The following TGM2 variants were observed in gnomAD, a reference collection of about 807,000 sequenced individuals.
The protein encoded by TGM2 is protein-glutamine gamma-glutamyltransferase 2.
A neutral mutation model predicts 75.6 loss-of-function variants in TGM2; 53 were observed. The ratio of observed to expected loss-of-function variants is 0.70; its 90% confidence interval spans 0.56 to 0.88. TGM2 has a LOEUF of 0.88. Among genes scored for constraint, TGM2 ranks in the 40% least tolerant of loss-of-function variants. TGM2 has a pLI of 0.00. For synonymous variants in TGM2, 374 were observed against 381.1 expected (o/e 0.98, Z 0.22); for missense variants, 842 against 928.5 (o/e 0.91, Z 1.21).
At chr20:38,160,249 A>G (rs565216676) in intron 2 of TGM2, among the ~76,000 whole-genome samples, 2 of 152,252 alleles carry the variant, frequency 1.3e-5, no homozygotes, top group South Asian at 2.1e-4. Flanking sequence ...GCCTTTCCCA[A>G]CCCGAGTCCT....
upstream of TGM2, among the ~76,000 whole-genome samples, chr20:38,167,460 C>T (rs1344656844): frequency 2.0e-5 from 3 of 152,120 alleles, no homozygotes; most frequent in Admixed American, 6.5e-5. Flanking sequence ...CCTCAGCTTC[C>T]CTGAGTAGCT....
In TGM2 at chr20:38,142,259, C is replaced by G. The variant is rs1165911210; in HGVS notation, c.860-60G>C. On this transcript the variant is annotated intron_variant, in intron 6 of 12. Coordinates refer to ENST00000361475, the MANE Select transcript of TGM2 (RefSeq NM_004613.4). Reference sequence around the variant, plus strand: ...TGGAGACATCCGCCCTGCTCTGGGCCTCCACCTGCCCATCTGCATTCCAGG... The same window carrying G: ...TGGAGACATCCGCCCTGCTCTGGGCGTCCACCTGCCCATCTGCATTCCAGG... 3 of 1,605,986 alleles carry G rather than the reference C, an allele frequency of 1.9e-6. No homozygotes were observed. The African/African-American group carries it at 4.0e-5, about 21-fold the overall frequency.
At position 38,139,642 on chromosome 20, in the gene TGM2, C is replaced by A. The variant is rs1229044030; in HGVS notation, c.1112G>T (p.Cys371Phe). 1 of 1,614,050 alleles carries A rather than the reference C, an allele frequency of 6.2e-7. No individual in the cohort carries two copies. Among genetic ancestry groups the A allele is most frequent in the Non-Finnish European group, 8.5e-7 (1 of 1,180,032 alleles). The change falls in exon 9 of 13, where the codon TGT becomes TTT. Residue 371 changes from cysteine (C) to phenylalanine (F), a missense_variant. Transcript: ENST00000361475. ...GATGGCACGAACTGGAACTGGGCCA[C>A]AGCAGTACGTCCCTGGCAGAGGTAG... ...PQEKSEGTYC[C>F]GPVPVRAIKE...
chr20:38,131,185 C>T lies in TGM2; in HGVS notation c.1821G>A (p.Val607=), dbSNP rs756907884. ...CCACAGGGAGCGGGTTCTGCAGGGA[C>T]ACCTCAGCCACCAGCTTGCGTTTCT... ...PKQKRKLVAE[V]SLQNPLPVAL... The change falls in exon 12 of 13, where the codon GTG becomes GTA. Residue 607 remains valine (V), a synonymous_variant. Transcript: ENST00000361475. 6 of 1,613,824 alleles carry T rather than the reference C, an allele frequency of 3.7e-6. No individual in the cohort carries two copies. The highest frequency in any genetic ancestry group is 4.5e-5 in the East Asian group (2 of 44,890).
At chr20:38,147,539 C>G (rs763363469) in intron 5 of TGM2, among the ~76,000 whole-genome samples, 2 of 152,176 alleles carry the variant, frequency 1.3e-5, no homozygotes, top group Non-Finnish European at 2.9e-5. Context: ...CCAACGCTCT[C>G]ACACCTCGGG....
chr20:38,137,906 C>T lies in TGM2; in HGVS notation c.1615+207G>A, dbSNP rs1039535171. The T allele has an allele frequency of 1.6e-5, 19 of 1,214,842 alleles. 1 individual carries two copies. The South Asian group carries it at 1.7e-4, about 11-fold the overall frequency. 75.3% of individuals were successfully genotyped at this position (1,214,842 alleles called of 1,614,324 possible). ...TGCCTCAGTCTACTCATCTGGAAAA[C>T]GGAGCCATGTTAGAATCCACCCCCT... On this transcript the variant is annotated intron_variant, in intron 10 of 12. Coordinates refer to ENST00000361475, the MANE Select transcript of TGM2 (RefSeq NM_004613.4).
chr20:38,157,852 C>T (rs2075206534), intron 2 of TGM2, among the ~76,000 whole-genome samples: 2 of 152,172 alleles, frequency 1.3e-5, no homozygotes, highest in Admixed American at 1.3e-4. Context: ...TGTGAGCTAT[C>T]GTCAGTGTTA....
upstream of TGM2, chr20:38,165,350 T>C: frequency 8.8e-7 from 1 of 1,139,592 alleles, no homozygotes; most frequent in South Asian, 1.3e-5. Context: ...GGCGGCGACC[T>C]GGGAGGCCAC....
At position 38,144,090 on chromosome 20, in the gene TGM2, C is replaced by T. The variant is rs560786612; in HGVS notation, c.860-1891G>A. ...GTGGGCCTGAGGACAGACCGGAGGA[C>T]GGGGGAGGTCTGTCTCTGCTTTCCA... On this transcript the variant is annotated intron_variant, in intron 6 of 12. Transcript: ENST00000361475. 5.3e-4 allele frequency among the ~76,000 whole-genome samples: 81 copies of T among 152,290 alleles called. No homozygotes were observed. In the South Asian group the frequency reaches 0.016, roughly 30 times the overall value.
At chr20:38,161,345 G>C in intron 2 of TGM2, 75 bp downstream of exon 2, 1 of 1,566,032 alleles carries the variant, frequency 6.4e-7, no homozygotes, top group South Asian at 1.1e-5. Context: ...CTCTGTCAGG[G>C]TTCTGGGGCA....
rs146157889 is a variant in TGM2 at position 38,156,489 on chromosome 20, C to G, written c.191-400G>C. ...GCATAGACAAGGATTAGGCAACATG[C>G]CCTAGGGCCCTCCTTTCCTGCCTAC... On this transcript the variant is annotated intron_variant, in intron 2 of 12. Transcript: ENST00000361475. Among the ~76,000 whole-genome samples the G allele has an allele frequency of 1.0e-3, 156 of 152,400 alleles. 1 individual carries two copies. Among genetic ancestry groups the G allele is most frequent in the African/African-American group, 3.5e-3 (145 of 41,604 alleles).
Position 38,161,585 on chromosome 20 carries a change from T to C in TGM2, c.25A>G (p.Arg9Gly). 6.2e-7 allele frequency: 1 copy of C among 1,614,006 alleles called. No individual in the cohort carries two copies. Among genetic ancestry groups the C allele is most frequent in the East Asian group, 2.2e-5 (1 of 44,866 alleles). ...TTGGTCTCCAGCTCCAGATCACACC[T>C]CTCTAAGACCAGCTCTATGGAAACA... is the stretch of plus-strand genomic sequence containing the variant. MAEELVLERCDLELETNGR... is the reference protein window; with the variant it reads MAEELVLEGCDLELETNGR... The change falls in exon 2 of 13, where the codon AGG becomes GGG. Residue 9 changes from arginine to glycine, a missense_variant. By Grantham distance (125) the Arg-to-Gly change is moderately radical (BLOSUM62 -2). Transcript: ENST00000361475.
chr20:38,147,055 C>T (rs746231894), intron 5 of TGM2, among the ~76,000 whole-genome samples, 161 bp from the exon 6 acceptor site: 6 of 150,926 alleles, frequency 4.0e-5, no homozygotes, highest in Non-Finnish European at 7.4e-5. Flanking sequence ...GACTGGTGTG[C>T]GGCAGATGGT....
At chr20:38,152,670 G>T in intron 3 of TGM2, among the ~76,000 whole-genome samples, 1 of 152,184 alleles carries the variant, frequency 6.6e-6, no homozygotes, top group East Asian at 1.9e-4. Flanking sequence ...ATACAGGAGG[G>T]TCCCATTTTC....
At chr20:38,146,454 G>T (rs1029345229) in intron 6 of TGM2, 1 of 550,824 alleles carries the variant, frequency 1.8e-6, no homozygotes, top group Non-Finnish European at 3.3e-6. Flanking sequence ...CTGAGTTTTT[G>T]AGAACGTGGG....
At chr20:38,167,270 C>A (rs572228014), upstream of TGM2, among the ~76,000 whole-genome samples, 1 of 152,084 alleles carries the variant, frequency 6.6e-6, no homozygotes, top group African/African-American at 2.4e-5. Context: ...ATGGGTTTGG[C>A]CTTTTCTACC....
chr20:38,137,959 T>G, intron 10 of TGM2, 154 bp downstream of exon 10: 5 of 1,434,896 alleles, frequency 3.5e-6, no homozygotes, highest in Non-Finnish European at 4.6e-6. Flanking sequence ...TTAAGTGGGT[T>G]GATATTTATA....
chr20:38,135,736 A>G (rs567763932), intron 10 of TGM2, among the ~76,000 whole-genome samples: 4 of 152,102 alleles, frequency 2.6e-5, no homozygotes, highest in Admixed American at 2.0e-4. Context: ...GGCTGACACC[A>G]CTGCCTGGGA....
Position 38,130,946 on chromosome 20 carries a change from C to T in TGM2, c.1913+147G>A, listed in dbSNP as rs1196727027. The T allele has an allele frequency of 2.3e-6, 3 of 1,286,688 alleles. No homozygotes were observed. In the Admixed American group the frequency reaches 5.6e-5, roughly 24 times the overall value. The allele number at this position is 1,286,688 out of a possible 1,614,324, so 79.7% of individuals were successfully genotyped here. On this transcript the variant is annotated intron_variant, in intron 12 of 12. Transcript: ENST00000361475. ...AGAATGTGACGGTGGGAACTCTAGC[C>T]CCAGGGTGTCTGGGAGTGGGCACAG...
Sources: gnomAD v4.1 joint callset for allele counts (sites outside exome capture counted in the v4.1 genomes callset) on GRCh38, gnomAD v4.1.1 for gene constraint, MANE v1.5 for transcripts, NCBI Gene and HGNC (gene_info 2026-07-23, HGNC 2026-07-21) for gene names.